ESR1: variants seen among roughly 807,000 people sequenced by gnomAD.
ESR1 encodes the protein estrogen receptor 1.
A neutral mutation model predicts 52.7 loss-of-function variants in ESR1; 12 were observed. The ratio of observed to expected loss-of-function variants is 0.23; its 90% CI spans 0.15 to 0.37. ESR1 has a LOEUF of 0.37. Among genes scored for constraint, ESR1 ranks in the 10% least tolerant of loss-of-function variants. The pLI is 1.00. For missense variants in ESR1, 584 were observed against 779.7 expected, an observed-to-expected ratio of 0.75 and a Z score of 2.99; for synonymous variants, 305 against 316.8, an observed-to-expected ratio of 0.96 and a Z score of 0.39.
chr6:151,859,318 C>T (rs1788462703), intron 2 of ESR1, among the ~76,000 whole-genome samples: 1 of 152,104 alleles, frequency 6.6e-6, no homozygotes, highest in Non-Finnish European at 1.5e-5. Flanking sequence ...ATTATGTCAC[C>T]ATAGAAAAAT....
chr6:152,026,501 G>A (rs1045100696), intron 5 of ESR1, among the ~76,000 whole-genome samples: 6 of 151,610 alleles, frequency 4.0e-5, no homozygotes, highest in African/African-American at 9.7e-5. Context: ...GTCTACAATC[G>A]GATTTTACTT....
intron 4 of ESR1, among the ~76,000 whole-genome samples, chr6:151,952,110 A>C (rs1249307795): frequency 2.6e-5 from 4 of 152,120 alleles, no homozygotes; most frequent in Non-Finnish European, 5.9e-5. Flanking sequence ...TACGACCACA[A>C]GTAAAGGTTC....
At chr6:152,036,543 T>C (rs34731252) in intron 5 of ESR1, among the ~76,000 whole-genome samples, 2,413 of 152,326 alleles carry the variant, frequency 0.016, 29 homozygotes, top group Non-Finnish European at 0.023. Context: ...CCACTCATAA[T>C]GGCATTCCCT....
intron 2 of ESR1, among the ~76,000 whole-genome samples, chr6:151,743,038 G>A (rs1203566166): frequency 6.6e-6 from 1 of 152,132 alleles, no homozygotes; most frequent in African/African-American, 2.4e-5. Flanking sequence ...AACTCTCCTC[G>A]ATCTCAGTTC....
intron 2 of ESR1, among the ~76,000 whole-genome samples, chr6:151,714,509 T>C (rs1477848067): frequency 6.6e-6 from 1 of 152,196 alleles, no homozygotes; most frequent in Non-Finnish European, 1.5e-5. Context: ...GCTTTATGAA[T>C]CTGGGTGCTG....
At chr6:151,667,935 C>A (rs762479193) in intron 1 of ESR1, among the ~76,000 whole-genome samples, 1 of 152,152 alleles carries the variant, frequency 6.6e-6, no homozygotes, top group Non-Finnish European at 1.5e-5. Context: ...ATATTAAGTG[C>A]ATTCATGGGC....
At chr6:151,771,710 C>T (rs905772456) in intron 2 of ESR1, among the ~76,000 whole-genome samples, 11 of 151,830 alleles carry the variant, frequency 7.2e-5, no homozygotes, top group African/African-American at 2.7e-4. Context: ...AATTATGAAC[C>T]GCAGTTACCC....
intron 2 of ESR1, among the ~76,000 whole-genome samples, chr6:151,746,234 T>A (rs951752611): frequency 1.3e-5 from 2 of 152,162 alleles, no homozygotes; most frequent in African/African-American, 2.4e-5. Context: ...TACACAGAAG[T>A]GTATATAGGA....
intron 1 of ESR1, among the ~76,000 whole-genome samples, chr6:151,683,090 A>G (rs193242620): frequency 5.6e-4 from 85 of 152,276 alleles, no homozygotes; most frequent in Non-Finnish European, 1.0e-3. Flanking sequence ...TATCTTCCTT[A>G]TGTCAATACT....
At chr6:151,677,860 T>G (rs1354766641) in intron 1 of ESR1, among the ~76,000 whole-genome samples, 1 of 152,232 alleles carries the variant, frequency 6.6e-6, no homozygotes, top group Non-Finnish European at 1.5e-5. Flanking sequence ...TTCAGATTTA[T>G]TTTCTCAAAT....
At chr6:151,935,507 A>G (rs983374184) in intron 3 of ESR1, among the ~76,000 whole-genome samples, 8 of 152,194 alleles carry the variant, frequency 5.3e-5, no homozygotes, top group African/African-American at 1.4e-4. Flanking sequence ...TCACAGTCAC[A>G]GGGAGCAGGC....
At chr6:152,110,077 T>G (rs554358597) in intron 6 of ESR1, among the ~76,000 whole-genome samples, 36 of 152,336 alleles carry the variant, frequency 2.4e-4, no homozygotes, top group Non-Finnish European at 4.9e-4. Context: ...ATTTTACAGA[T>G]GAAGAAACTG....
chr6:151,907,912 A>T (rs905531876), intron 3 of ESR1, among the ~76,000 whole-genome samples: 3 of 152,208 alleles, frequency 2.0e-5, no homozygotes, highest in South Asian at 2.1e-4. Flanking sequence ...CATGAAATAG[A>T]TCATGAAGAA....
chr6:151,839,487 G>A (rs1783930916), intron 1 of ESR1, among the ~76,000 whole-genome samples: 1 of 152,120 alleles, frequency 6.6e-6, no homozygotes, highest in South Asian at 2.1e-4. Context: ...TTCTACTTCT[G>A]GGTATATATC....
chr6:151,888,950 G>A (rs746991029), intron 3 of ESR1, among the ~76,000 whole-genome samples: 6 of 152,044 alleles, frequency 3.9e-5, no homozygotes, highest in African/African-American at 1.4e-4. Flanking sequence ...CCTTCATTCT[G>A]TTAATGTGTG....
intron 6 of ESR1, among the ~76,000 whole-genome samples, chr6:152,121,358 A>G (rs1011039613): frequency 6.6e-6 from 1 of 152,216 alleles, no homozygotes; most frequent in African/African-American, 2.4e-5. Context: ...TCTGCTCGCA[A>G]TGGAATGGAG....
At chr6:151,770,617 C>T (rs894983358) in intron 2 of ESR1, among the ~76,000 whole-genome samples, 2 of 151,810 alleles carry the variant, frequency 1.3e-5, no homozygotes, top group Non-Finnish European at 2.9e-5. Flanking sequence ...AAAGGTGATA[C>T]GGGATTTTGT....
intron 1 of ESR1, among the ~76,000 whole-genome samples, chr6:151,657,035 T>G (rs1777478416): frequency 6.6e-6 from 1 of 152,188 alleles, no homozygotes; most frequent in Non-Finnish European, 1.5e-5. Flanking sequence ...TAGGAGAATT[T>G]TTGGACTGTA....
intron 2 of ESR1, among the ~76,000 whole-genome samples, chr6:151,781,451 G>A (rs141079852): frequency 6.6e-6 from 1 of 152,330 alleles, no homozygotes; most frequent in Non-Finnish European, 1.5e-5. Context: ...TTTTAATACT[G>A]TTACAATGGC....
Sources: gnomAD v4.1 joint callset for allele counts (sites outside exome capture counted in the v4.1 genomes callset) on GRCh38, gnomAD v4.1.1 for gene constraint, MANE v1.5 for transcripts, NCBI Gene and HGNC (gene_info 2026-07-23, HGNC 2026-07-21) for gene names.